The following CDK5RAP3 variants were observed in gnomAD, a reference collection of about 807,000 sequenced individuals.
The protein encoded by CDK5RAP3 is CDK5 regulatory subunit-associated protein 3.
Under a neutral mutation model 73.3 loss-of-function variants are expected in CDK5RAP3, and 58 were observed. The ratio of observed to expected loss-of-function variants is 0.79; its 90% CI spans 0.64 to 0.98. The LOEUF (loss-of-function observed/expected upper bound fraction) is 0.98, where lower values mean the gene tolerates loss of function less well. Among genes scored for constraint, CDK5RAP3 ranks in the 50% least tolerant of loss-of-function variants. CDK5RAP3 has a pLI of 0.00. For synonymous variants in CDK5RAP3, 224 were observed against 247.5 expected, an observed-to-expected ratio of 0.91 and a Z score of 0.89; for missense variants, 525 against 615.8, an observed-to-expected ratio of 0.85 and a Z score of 1.56.
intron 4 of CDK5RAP3, 78 bp downstream of exon 4, chr17:47,974,109 G>C (rs1442604842): frequency 4.0e-6 from 4 of 1,009,224 alleles, no homozygotes; most frequent in Non-Finnish European, 3.2e-6. Context: ...TGGTCTCTCT[G>C]AGGCTCCAGT....
chr17:47,980,755 A>C lies in CDK5RAP3; in HGVS notation c.1240A>C (p.Ser414Arg). 6.2e-7 allele frequency: 1 copy of C among 1,614,178 alleles called. No individual in the cohort carries two copies. The highest frequency in any genetic ancestry group is 2.2e-5 in the East Asian group (1 of 44,880). ...GGAGGATCTGATTGGCAAGCTTACC[A>C]GTCTTCAGCTGCAACACCTGTTTAT... The part of the protein sequence containing the change: ...VLEDLIGKLT[S>R]LQLQHLFMIL... Residue 414 changes from serine to arginine, a missense_variant, in exon 12 of 14, where the codon AGT becomes CGT. Coordinates refer to ENST00000338399, the MANE Select transcript of CDK5RAP3 (RefSeq NM_176096.3).
chr17:47,976,774 C>A lies in CDK5RAP3; in HGVS notation c.861C>A (p.Ala287=), dbSNP rs116470814. The change falls in exon 9 of 14, where the codon GCC becomes GCA. Residue 287 remains alanine, a synonymous_variant. Transcript: ENST00000338399. ...AGGGGACTGACTCTGGCATCTCTGC[C>A]GAGGCTGCTGGAATCGACTGGGGCA... ...VSEGTDSGIS[A]EAAGIDWGIF... is the part of the protein sequence containing the mutation. The A allele has an allele frequency of 1.1e-3, 1,848 of 1,612,102 alleles. 20 individuals carry two copies. In the African/African-American group the frequency reaches 0.023, roughly 20 times the overall value.
Position 47,974,428 on chromosome 17 carries a change from AGAAG to A in CDK5RAP3, c.317_320del (p.Lys106ThrfsTer5), listed in dbSNP as rs2036344789. The A allele has an allele frequency of 6.2e-7, 1 of 1,614,082 alleles. No individual in the cohort carries two copies. Among genetic ancestry groups the A allele is most frequent in the African/African-American group, 1.3e-5 (1 of 74,938 alleles). On this transcript the variant is annotated frameshift_variant, in exon 5 of 14. Coordinates refer to ENST00000338399, the MANE Select transcript of CDK5RAP3 (RefSeq NM_176096.3). LOFTEE classifies it high-confidence loss of function. ...TGGCAGGAGATTATAGCTCTGTATGAGAAGGACAACACCTACTTAGGTAAAGTGG... is the reference window on the plus strand; with the variant it reads ...TGGCAGGAGATTATAGCTCTGTATGAGACAACACCTACTTAGGTAAAGTGG...
upstream of CDK5RAP3, chr17:47,970,810 G>A: frequency 7.0e-7 from 1 of 1,430,740 alleles, no homozygotes. Flanking sequence ...GCCCGCCAGG[G>A]GAAGCGGCTG....
Position 47,975,204 on chromosome 17 carries a change from C to A in CDK5RAP3, c.380C>A (p.Pro127His). ...GTTCGGAATGTCAACTATGAGATCC[C>A]CTCACTGAAGAAGCAGATTGCCAAG... is the stretch of plus-strand genomic sequence containing the variant. ...LLVRNVNYEI[P>H]SLKKQIAKCQ... Residue 127 changes from proline to histidine, a missense_variant, in exon 6 of 14, where the codon CCC becomes CAC. Transcript: ENST00000338399. 6.2e-7 allele frequency: 1 copy of A among 1,614,146 alleles called. No individual in the cohort carries two copies. Among genetic ancestry groups the A allele is most frequent in the East Asian group, 2.2e-5 (1 of 44,862 alleles).
chr17:47,971,103 G>A (rs1342123527), upstream of CDK5RAP3: 4 of 1,551,696 alleles, frequency 2.6e-6, no homozygotes, highest in Non-Finnish European at 3.5e-6. Context: ...GTGGTAGGGC[G>A]GGGCGGGCCA....
chr17:47,981,586 G>T lies in CDK5RAP3; in HGVS notation c.*84G>T. On this transcript the variant is annotated 3_prime_UTR_variant, in exon 14 of 14. Transcript: ENST00000338399. ...GGGCTGTTGTTTTGGGGCCCTTCAAGGCAAAAGACCAGGCTGACTGGAAGA... is the reference window on the plus strand; with the variant it reads ...GGGCTGTTGTTTTGGGGCCCTTCAATGCAAAAGACCAGGCTGACTGGAAGA... 1 of 1,612,028 alleles carries T rather than the reference G, an allele frequency of 6.2e-7. No individual in the cohort carries two copies.
intron 5 of CDK5RAP3, 169 bp downstream of exon 5, chr17:47,974,617 C>A (rs2036350851): frequency 1.4e-6 from 2 of 1,439,590 alleles, no homozygotes; most frequent in Admixed American, 2.5e-5. Context: ...AATTGATTTT[C>A]CCTGAGTGGA....
chr17:47,975,413 C>G, intron 6 of CDK5RAP3, 76 bp downstream of exon 6: 3 of 1,605,970 alleles, frequency 1.9e-6, no homozygotes, highest in Non-Finnish European at 2.6e-6. Context: ...CGTCTGACCC[C>G]TCAGCCTGGT....
chr17:47,970,292 T>C (rs1351736528), upstream of CDK5RAP3, among the ~76,000 whole-genome samples: 1 of 152,220 alleles, frequency 6.6e-6, no homozygotes, highest in East Asian at 1.9e-4. Context: ...ATCTACGGTA[T>C]AGAGGTTGGC....
In CDK5RAP3 at chr17:47,975,596, A is replaced by AG; in HGVS notation, c.597dup (p.Ser200ValfsTer7). 2.5e-6 allele frequency: 4 copies of AG among 1,609,104 alleles called. No individual in the cohort carries two copies. The highest frequency in any genetic ancestry group is 3.4e-6 in the Non-Finnish European group (4 of 1,179,994). On this transcript the variant is annotated frameshift_variant, in exon 7 of 14. Transcript: ENST00000338399. LOFTEE classifies it high-confidence loss of function. ...GCTGAGATTGGGGCAGCGGCTCAGC[A>AG]GTCCCTGGGGGAAGCCATTGACGTG...
At chr17:47,978,466 C>T (rs2036474072) in intron 10 of CDK5RAP3, 3 of 237,112 alleles carry the variant, frequency 1.3e-5, no homozygotes, top group South Asian at 6.5e-5. Context: ...CTAGGGGGAT[C>T]GGGGCCCTGG....
chr17:47,970,734 C>G (rs1157820771), upstream of CDK5RAP3: 1 of 1,534,432 alleles, frequency 6.5e-7, no homozygotes, highest in Non-Finnish European at 8.7e-7. Flanking sequence ...GTATTTGCAA[C>G]GGCCTCCCAG....
At chr17:47,974,342 TG>T (rs2036341462) in intron 4 of CDK5RAP3, 57 bp from the exon 5 acceptor site, 1 of 1,412,180 alleles carries the variant, frequency 7.1e-7, no homozygotes, top group African/African-American at 1.4e-5. Context: ...GGGATTGAGC[TG>T]GGATGTGGCT....
rs778868247 is a variant in CDK5RAP3 at position 47,975,318 on chromosome 17, G to T, written c.494G>T (p.Cys165Phe). 9.3e-6 allele frequency: 15 copies of T among 1,614,006 alleles called. No individual in the cohort carries two copies. Residue 165 changes from cysteine (C) to phenylalanine (F), a missense_variant, in exon 6 of 14, where the codon TGC (cysteine) becomes TTC (phenylalanine). Physicochemically the swap from Cys to Phe is radical, Grantham distance 205 (BLOSUM62 -2). Around this residue, in one of 2 missense-constraint regions of CDK5RAP3, gnomAD observed 409 missense variants for 429.8 expected, o/e 0.95. Transcript: ENST00000338399. Reference protein sequence around the residue: ...AEMREQFYHSCKQYGITGENV... With the variant: ...AEMREQFYHSFKQYGITGENV... ...ATGCGGGAGCAGTTCTACCACTCCT[G>T]CAAGCAGTATGGCATCACGGTGAGC... is the stretch of plus-strand genomic sequence containing the variant.
chr17:47,971,610 G>T (rs577909238), intron 2 of CDK5RAP3, among the ~76,000 whole-genome samples: 1 of 152,308 alleles, frequency 6.6e-6, no homozygotes, highest in East Asian at 1.9e-4. Context: ...TTTGACCTGC[G>T]TTTTCTCCTT....
intron 12 of CDK5RAP3, 24 bp downstream of exon 12, chr17:47,980,822 G>A (rs200285695): frequency 3.7e-6 from 6 of 1,609,532 alleles, no homozygotes; most frequent in Non-Finnish European, 1.7e-6. Context: ...TTGATGCAAG[G>A]CTCTGCCATC....
upstream of CDK5RAP3, among the ~76,000 whole-genome samples, chr17:47,970,100 A>G (rs1019332389): frequency 4.6e-5 from 7 of 152,052 alleles, no homozygotes; most frequent in Non-Finnish European, 1.0e-4. Context: ...CCTTGTCCCC[A>G]GTCTTATCTC....
rs12948207 is a variant in CDK5RAP3 at position 47,975,987 on chromosome 17, C to A, written c.772C>A (p.Leu258Ile). Residue 258 changes from leucine (L) to isoleucine (I), a missense_variant, in exon 8 of 14, where the codon CTT becomes ATT. Physicochemically the swap from Leu to Ile is conservative, Grantham distance 5. Coordinates refer to ENST00000338399, the MANE Select transcript of CDK5RAP3 (RefSeq NM_176096.3). ...SVVERPHLEE[L>I]PEQVAEDAID... ...GGTGGAACGACCCCACCTCGAGGAG[C>A]TTCCTGAGCAGGTGGCAGAAGATGC... 7,190 of 1,614,090 alleles carry A rather than the reference C, an allele frequency of 4.5e-3. 256 individuals are homozygous for A. In the African/African-American group the frequency reaches 0.085, roughly 19 times the overall value.
Sources: gnomAD v4.1 joint callset for allele counts (sites outside exome capture counted in the v4.1 genomes callset) on GRCh38, gnomAD v4.1.1 for gene constraint, gnomAD v4.1.1 regional missense constraint, MANE v1.5 for transcripts, NCBI Gene and HGNC (gene_info 2026-07-23, HGNC 2026-07-21) for gene names.